Variants in SRGAP2B observed in about 807,000 individuals in gnomAD.
SRGAP2B encodes the protein SLIT-ROBO Rho GTPase-activating protein 2B.
SRGAP2B carries 9 observed loss-of-function variants against 22.2 expected under a neutral mutation model. The observed-to-expected ratio is 0.41, with a 90% CI of 0.24 to 0.71. SRGAP2B has a LOEUF of 0.71. Among genes scored for constraint, SRGAP2B ranks in the 30% least tolerant of loss-of-function variants. The pLI is 0.35. For missense variants in SRGAP2B, 114 were observed against 235.8 expected (o/e 0.48, Z 3.38); for synonymous variants, 36 against 87.4 (o/e 0.41, Z 3.28).
intron 3 of SRGAP2B, among the ~76,000 whole-genome samples, chr1:144,975,933 G>A (rs1553614108): frequency 7.2e-6 from 1 of 139,438 alleles, no homozygotes; most frequent in Non-Finnish European, 1.5e-5. Flanking sequence ...GAGTGCAGTG[G>A]CACGATCTCG....
intron 4 of SRGAP2B, among the ~76,000 whole-genome samples, chr1:144,941,003 T>A (rs587650289): frequency 8.0e-5 from 12 of 150,028 alleles, no homozygotes; most frequent in Admixed American, 2.6e-4. Flanking sequence ...CTCTCATTTT[T>A]AAAAAAAATG....
chr1:145,006,660 T>C, intron 2 of SRGAP2B, among the ~76,000 whole-genome samples: 1 of 150,860 alleles, frequency 6.6e-6, no homozygotes, highest in Non-Finnish European at 1.5e-5. Flanking sequence ...AAGTGACTGG[T>C]TTGTTATAAG....
At chr1:144,954,640 G>A (rs1667127862) in intron 4 of SRGAP2B, among the ~76,000 whole-genome samples, 1 of 150,682 alleles carries the variant, frequency 6.6e-6, no homozygotes, top group Non-Finnish European at 1.5e-5. Context: ...ATTCCACTTT[G>A]AGCTCAAGCT....
intron 2 of SRGAP2B, among the ~76,000 whole-genome samples, chr1:145,014,279 C>T (rs375491547): frequency 3.4e-5 from 5 of 144,964 alleles, no homozygotes; most frequent in African/African-American, 8.0e-5. Flanking sequence ...CCAGCCTGGG[C>T]GACAGAGTGA....
chr1:145,094,992 T>C, intron 1 of SRGAP2B: 1 of 1,541,382 alleles, frequency 6.5e-7, no homozygotes, highest in Non-Finnish European at 8.7e-7. Flanking sequence ...AGTCCCAGGC[T>C]GTACAGTGAT....
At chr1:144,941,432 C>A (rs1186215440) in intron 4 of SRGAP2B, among the ~76,000 whole-genome samples, 1 of 141,424 alleles carries the variant, frequency 7.1e-6, no homozygotes, top group Admixed American at 7.1e-5. Flanking sequence ...CTGGAAGTTT[C>A]ATATTGAGTA....
intron 2 of SRGAP2B, among the ~76,000 whole-genome samples, chr1:145,064,620 A>G (rs1651291429): frequency 1.3e-5 from 2 of 148,288 alleles, no homozygotes; most frequent in African/African-American, 5.1e-5. Context: ...TCAATACCAT[A>G]GGGCCCAAGA....
intron 3 of SRGAP2B, among the ~76,000 whole-genome samples, chr1:144,988,719 C>T (rs1239859752): frequency 9.3e-5 from 14 of 149,904 alleles, no homozygotes; most frequent in African/African-American, 3.5e-4. Context: ...CCAGTCATAA[C>T]CTCTTACCTC....
intron 2 of SRGAP2B, among the ~76,000 whole-genome samples, chr1:145,001,717 CTAT>C (rs1671178303): frequency 1.3e-5 from 2 of 149,896 alleles, no homozygotes; most frequent in South Asian, 4.2e-4. Context: ...TTACTTTACT[CTAT>C]TAAGTAAGGC....
rs1393935411 is a variant in SRGAP2B, at chr1:144,892,990, CAGA to C, written c.1155+415_1155+417del. Among the ~76,000 whole-genome samples, 15 of 27,476 alleles carry C rather than the reference CAGA, an allele frequency of 5.5e-4. 1 individual carries two copies. The South Asian group carries it at 0.017, about 32-fold the overall frequency. 18.0% of individuals were successfully genotyped at this position (27,476 alleles called of 152,430 possible). A position where few individuals can be genotyped will look rare whatever the true frequency, so the allele number is the denominator to read the frequency against. On this transcript the variant is annotated intron_variant, in intron 9 of 9. Transcript: ENST00000612199. Reference sequence around the variant, plus strand: ...TTTTTGAAAGCAAATACACTGAGCCCAGAAGAAACTCACCCTTTCCTAAGAGGA... The same window carrying C: ...TTTTTGAAAGCAAATACACTGAGCCCAGAAACTCACCCTTTCCTAAGAGGA...
At chr1:144,915,282 C>T (rs1314327233) in intron 4 of SRGAP2B, among the ~76,000 whole-genome samples, 2 of 150,284 alleles carry the variant, frequency 1.3e-5, no homozygotes, top group Non-Finnish European at 2.9e-5. Context: ...AGCGGTATCT[C>T]AATATTGACT....
chr1:144,932,269 C>G (rs1483383925), intron 4 of SRGAP2B, among the ~76,000 whole-genome samples: 1 of 150,198 alleles, frequency 6.7e-6, no homozygotes, highest in African/African-American at 2.5e-5. Context: ...TGTGGAGCTG[C>G]AGGTCACGGC....
At chr1:145,065,365 T>C (rs1165268979) in intron 2 of SRGAP2B, among the ~76,000 whole-genome samples, 3 of 150,026 alleles carry the variant, frequency 2.0e-5, no homozygotes, top group Non-Finnish European at 3.0e-5. Context: ...GATACAGAAG[T>C]AGAGCATCCT....
At chr1:145,016,837 C>G (rs1191906314) in intron 2 of SRGAP2B, among the ~76,000 whole-genome samples, 1 of 149,924 alleles carries the variant, frequency 6.7e-6, no homozygotes, top group Non-Finnish European at 1.5e-5. Flanking sequence ...AAGAAAAGCA[C>G]TCAAGTTTTT....
intron 4 of SRGAP2B, among the ~76,000 whole-genome samples, chr1:144,934,264 G>T (rs1215041401): frequency 6.7e-6 from 1 of 150,102 alleles, no homozygotes; most frequent in African/African-American, 2.5e-5. Context: ...AATTAGCCAG[G>T]CATGGTGGCA....
chr1:145,021,677 G>GGTGGCAC (rs1406413591), intron 2 of SRGAP2B, among the ~76,000 whole-genome samples: 1 of 148,260 alleles, frequency 6.7e-6, no homozygotes, highest in Admixed American at 6.7e-5. Flanking sequence ...AGCCGGGTGT[G>GGTGGCAC]GTGGCACATG....
chr1:144,891,764 GTCA>G (rs1257166189), exon 10 of SRGAP2B: 2 of 50,980 alleles, frequency 3.9e-5, no homozygotes, highest in Non-Finnish European at 7.3e-5. Context: ...ATAAAATAAT[GTCA>G]TCATATCACC....
chr1:144,965,986 C>G (rs1668055138), intron 3 of SRGAP2B, among the ~76,000 whole-genome samples: 1 of 150,834 alleles, frequency 6.6e-6, no homozygotes, highest in African/African-American at 2.5e-5. Flanking sequence ...AAATATGGGA[C>G]TATGTGAAAA....
chr1:144,992,221 A>G (rs1399610599), intron 3 of SRGAP2B, among the ~76,000 whole-genome samples: 1 of 150,680 alleles, frequency 6.6e-6, no homozygotes, highest in Non-Finnish European at 1.5e-5. Context: ...ACATCTGAAC[A>G]TCAGAAGGGA....
Sources: gnomAD v4.1 joint callset for allele counts (sites outside exome capture counted in the v4.1 genomes callset) on GRCh38, gnomAD v4.1.1 for gene constraint, MANE v1.5 for transcripts, NCBI Gene and HGNC (gene_info 2026-07-23, HGNC 2026-07-21) for gene names.